The following PEX14 variants were observed in gnomAD, a reference collection of about 807,000 sequenced individuals.
PEX14 encodes the protein peroxisomal biogenesis factor 14, also known as peroxisomal membrane protein PEX14.
Under a neutral mutation model 49.5 loss-of-function variants are expected in PEX14, and 15 were observed. That is an observed-to-expected ratio of 0.30 (90% CI 0.20 to 0.47). The LOEUF is 0.47. Among genes scored for constraint, PEX14 ranks in the 20% least tolerant of loss-of-function variants. The pLI, the probability that PEX14 is intolerant of heterozygous loss-of-function variation, is 1.00. For missense variants in PEX14, 398 were observed against 494.8 expected, an observed-to-expected ratio of 0.80 and a Z score of 1.86; for synonymous variants, 210 against 212.7, an observed-to-expected ratio of 0.99 and a Z score of 0.11.
At chr1:10,518,836 G>GCACAA (rs1642017412) in intron 2 of PEX14, among the ~76,000 whole-genome samples, 1 of 152,042 alleles carries the variant, frequency 6.6e-6, no homozygotes, top group Non-Finnish European at 1.5e-5. Context: ...TCCCTTCCTG[G>GCACAA]CACAAGGATT....
chr1:10,534,384 C>T (rs1233572932), intron 2 of PEX14, among the ~76,000 whole-genome samples: 4 of 152,046 alleles, frequency 2.6e-5, no homozygotes, highest in Non-Finnish European at 4.4e-5. Context: ...TCTCCTCTCT[C>T]CTTTTCCCCC....
chr1:10,484,505 A>G (rs1159305336), intron 1 of PEX14, among the ~76,000 whole-genome samples: 42 of 151,834 alleles, frequency 2.8e-4, no homozygotes, highest in Non-Finnish European at 6.2e-4. Context: ...GTAGTATTCC[A>G]TCGTATGGAT....
intron 3 of PEX14, among the ~76,000 whole-genome samples, chr1:10,557,530 G>T (rs553127549): frequency 6.6e-6 from 1 of 152,322 alleles, no homozygotes; most frequent in Admixed American, 6.5e-5. Context: ...AGTTTGCAGT[G>T]ACCTGAGATC....
chr1:10,497,817 T>C (rs1052128692), intron 2 of PEX14, among the ~76,000 whole-genome samples: 1 of 152,242 alleles, frequency 6.6e-6, no homozygotes, highest in Non-Finnish European at 1.5e-5. Context: ...TTGTTAATTT[T>C]TTCATTTAAG....
chr1:10,491,142 C>T (rs1557808611), intron 1 of PEX14, among the ~76,000 whole-genome samples: 1 of 151,682 alleles, frequency 6.6e-6, no homozygotes, highest in African/African-American at 2.4e-5. Context: ...GCTGGGATTA[C>T]AGGCGTGAGC....
At position 10,579,737 on chromosome 1, in the gene PEX14, G is replaced by A. The variant is rs777885202; in HGVS notation, c.170-19501G>A. On this transcript the variant is annotated intron_variant, in intron 3 of 8. Transcript: ENST00000356607. The stretch of plus-strand genomic sequence containing the variant: ...GCGTCTGTAAACTGCCATGGCACTG[G>A]TGGGAGTGTAGCAGTGAGGACAACC... Among the ~76,000 whole-genome samples the A allele has an allele frequency of 3.3e-5, 5 of 152,202 alleles. No individual in the cohort carries two copies. The South Asian group carries it at 1.0e-3, about 32-fold the overall frequency.
In PEX14 at chr1:10,531,153, C is replaced by T. The variant is rs919618913; in HGVS notation, c.85-5060C>T. The stretch of plus-strand genomic sequence containing the variant: ...CTAGGACCCTGGATCCGAGAGTGCT[C>T]TGCCTGGAATCTCAAGGAACACGGC... On this transcript the variant is annotated intron_variant, in intron 2 of 8. Coordinates refer to ENST00000356607, the MANE Select transcript of PEX14 (RefSeq NM_004565.3). Among the ~76,000 whole-genome samples, 23 of 152,166 alleles carry T rather than the reference C, an allele frequency of 1.5e-4. 1 individual carries two copies. The highest frequency in any genetic ancestry group is 4.8e-5 in the African/African-American group (2 of 41,426).
intron 3 of PEX14, among the ~76,000 whole-genome samples, chr1:10,555,947 G>A (rs975789731): frequency 1.3e-5 from 2 of 152,048 alleles, no homozygotes; most frequent in Non-Finnish European, 1.5e-5. Context: ...GAAGAAAGCC[G>A]AATGATCCTG....
chr1:10,569,676 A>G (rs1212860639), intron 3 of PEX14, among the ~76,000 whole-genome samples: 1 of 152,140 alleles, frequency 6.6e-6, no homozygotes, highest in Non-Finnish European at 1.5e-5. Flanking sequence ...GTATCTGAAA[A>G]CATCTTTAAT....
intron 2 of PEX14, among the ~76,000 whole-genome samples, chr1:10,505,751 G>A (rs1641771491): frequency 6.6e-6 from 1 of 151,568 alleles, no homozygotes; most frequent in African/African-American, 2.4e-5. Flanking sequence ...CATGATCATG[G>A]TTCACTACAA....
intron 2 of PEX14, among the ~76,000 whole-genome samples, chr1:10,510,184 C>T (rs962544828): frequency 1.3e-5 from 2 of 152,178 alleles, no homozygotes; most frequent in South Asian, 4.1e-4. Flanking sequence ...CCCTGGTTTA[C>T]AGGTTTCAGC....
intron 4 of PEX14, among the ~76,000 whole-genome samples, chr1:10,614,304 T>C (rs1358530688): frequency 6.6e-6 from 1 of 152,238 alleles, no homozygotes; most frequent in East Asian, 1.9e-4. Context: ...ATAGACTCTC[T>C]GAACTTTAGG....
intron 3 of PEX14, among the ~76,000 whole-genome samples, chr1:10,583,005 G>A (rs1427276612): frequency 1.3e-5 from 2 of 151,934 alleles, no homozygotes; most frequent in East Asian, 3.9e-4. Context: ...CCAAAGTGCT[G>A]GGATTACAGC....
intron 2 of PEX14, among the ~76,000 whole-genome samples, chr1:10,501,280 C>T (rs544339873): frequency 3.0e-4 from 43 of 145,064 alleles, no homozygotes; most frequent in Admixed American, 1.3e-3. Context: ...ATTCAGAATC[C>T]GCCCTATCAG....
chr1:10,483,529 A>T (rs1384483478), intron 1 of PEX14, among the ~76,000 whole-genome samples: 2 of 151,182 alleles, frequency 1.3e-5, no homozygotes, highest in African/African-American at 4.9e-5. Context: ...GTTGGCCAGG[A>T]TGGTCTCAAT....
In PEX14 at chr1:10,628,145, A is replaced by G. The variant is rs1641805404; in HGVS notation, c.677+782A>G. Among the ~76,000 whole-genome samples, 1 of 152,216 alleles carries G rather than the reference A, an allele frequency of 6.6e-6. No homozygotes were observed. The highest frequency in any genetic ancestry group is 1.5e-5 in the Non-Finnish European group (1 of 68,034). ...GAGGTGGGATTTTGCTATGTTGGCC[A>G]GGCTGGTCTTGAATTCCCGACCTCA... On this transcript the variant is annotated intron_variant, in intron 8 of 8. Coordinates refer to ENST00000356607, the MANE Select transcript of PEX14 (RefSeq NM_004565.3). This position sits in a 1 kb window ranked among gnomAD's most constrained non-coding sequence, Gnocchi z 4.5.
intron 3 of PEX14, among the ~76,000 whole-genome samples, chr1:10,598,158 G>A (rs1640880161): frequency 6.6e-6 from 1 of 152,198 alleles, no homozygotes; most frequent in Admixed American, 6.5e-5. Context: ...TGGATGTTGG[G>A]ATTCCTGGAA....
At chr1:10,525,630 A>AT (rs905408897) in intron 2 of PEX14, among the ~76,000 whole-genome samples, 10 of 151,342 alleles carry the variant, frequency 6.6e-5, no homozygotes, top group Non-Finnish European at 1.3e-4. Flanking sequence ...CAATTTGAAG[A>AT]TTTTTTTTTC....
chr1:10,483,057 G>A (rs765111362), intron 1 of PEX14, among the ~76,000 whole-genome samples: 13 of 152,196 alleles, frequency 8.5e-5, no homozygotes, highest in Non-Finnish European at 1.3e-4. Context: ...TCCCATTGTC[G>A]AAGATGAAGT....
Sources: gnomAD v4.1 joint callset for allele counts (sites outside exome capture counted in the v4.1 genomes callset) on GRCh38, gnomAD v4.1.1 for gene constraint, Gnocchi (gnomAD v3.1) non-coding constraint, MANE v1.5 for transcripts, NCBI Gene and HGNC (gene_info 2026-07-23, HGNC 2026-07-21) for gene names.